The following NTNG1 variants were observed in gnomAD, a reference collection of about 807,000 sequenced individuals.
The protein encoded by NTNG1 is netrin G1.
NTNG1 carries 16 observed loss-of-function variants against 54.0 expected under a neutral mutation model. The observed-to-expected ratio is 0.30, with a 90% CI of 0.20 to 0.45. NTNG1 has a LOEUF of 0.45. NTNG1 is among the 20% of genes least tolerant of loss of function. NTNG1 has a pLI of 1.00. For synonymous variants in NTNG1, 255 were observed against 263.1 expected, an observed-to-expected ratio of 0.97 and a Z score of 0.30; for missense variants, 530 against 678.7, an observed-to-expected ratio of 0.78 and a Z score of 2.43.
chr1:107,442,051 A>G (rs1436482660), intron 7 of NTNG1, among the ~76,000 whole-genome samples: 1 of 152,150 alleles, frequency 6.6e-6, no homozygotes, highest in Non-Finnish European at 1.5e-5. Context: ...AAATTGGAAA[A>G]TTTAAACATT....
At chr1:107,477,112 T>A (rs1571049716) in intron 7 of NTNG1, among the ~76,000 whole-genome samples, 2 of 152,096 alleles carry the variant, frequency 1.3e-5, no homozygotes, top group Non-Finnish European at 2.9e-5. Flanking sequence ...AAGTAAAAGT[T>A]TGGATAAAAG....
intron 2 of NTNG1, among the ~76,000 whole-genome samples, chr1:107,219,588 T>C (rs879687856): frequency 1.3e-5 from 2 of 152,214 alleles, no homozygotes; most frequent in Non-Finnish European, 2.9e-5. Flanking sequence ...GAGATTCTTC[T>C]GTCTCATGGG....
chr1:107,435,875 T>C (rs1233955096), intron 6 of NTNG1, among the ~76,000 whole-genome samples: 1 of 152,102 alleles, frequency 6.6e-6, no homozygotes, highest in Non-Finnish European at 1.5e-5. Context: ...CCATTTCTGG[T>C]TCAAGCTTTA....
intron 2 of NTNG1, among the ~76,000 whole-genome samples, chr1:107,282,492 C>T (rs1055106559): frequency 6.6e-6 from 1 of 152,124 alleles, no homozygotes; most frequent in Non-Finnish European, 1.5e-5. Flanking sequence ...AAAGGTAAGA[C>T]ATTTCTGTAA....
chr1:107,323,325 T>C (rs979387077), intron 2 of NTNG1, among the ~76,000 whole-genome samples: 2 of 152,144 alleles, frequency 1.3e-5, no homozygotes, highest in African/African-American at 4.8e-5. Context: ...TGGAATCTAC[T>C]GATGAAAGCT....
chr1:107,392,726 G>A (rs1228163950), intron 3 of NTNG1, among the ~76,000 whole-genome samples: 1 of 152,142 alleles, frequency 6.6e-6, no homozygotes, highest in Non-Finnish European at 1.5e-5. Flanking sequence ...AGAGGACTTA[G>A]GAGGTAGCTA....
At chr1:107,186,272 C>T (rs1158384277) in intron 2 of NTNG1, among the ~76,000 whole-genome samples, 3 of 152,036 alleles carry the variant, frequency 2.0e-5, no homozygotes, top group East Asian at 1.9e-4. Context: ...TGCAAAACAC[C>T]GTTATCTCTC....
intron 7 of NTNG1, among the ~76,000 whole-genome samples, chr1:107,448,296 T>C (rs1384080005): frequency 1.3e-5 from 2 of 152,128 alleles, no homozygotes; most frequent in Admixed American, 6.6e-5. Context: ...GCTTGTCATG[T>C]ACCAGGCACT....
At position 107,395,182 on chromosome 1, in the gene NTNG1, T is replaced by C. The variant is rs369812871; in HGVS notation, c.916T>C (p.Cys306Arg). Residue 306 changes from cysteine to arginine, a missense_variant, in exon 4 of 8, where the codon TGT (cysteine) becomes CGT (arginine). Physicochemically the swap from Cys to Arg is radical, Grantham distance 180 (BLOSUM62 -3). Around this residue, in one of 2 missense-constraint regions of NTNG1, gnomAD observed 318 missense variants for 465.1 expected, o/e 0.68. Coordinates refer to ENST00000370068, the MANE Select transcript of NTNG1 (RefSeq NM_001113226.3). The stretch of plus-strand genomic sequence containing the variant: ...CAAGTGTAATCTCCATGCCACTGTA[T>C]GTGTGTATGACAACAGCAAATTGAC... ...RCKCNLHATV[C>R]VYDNSKLTCE... 1.9e-6 allele frequency: 3 copies of C among 1,613,334 alleles called. No homozygotes were observed. Among genetic ancestry groups the C allele is most frequent in the Non-Finnish European group, 2.5e-6 (3 of 1,179,522 alleles).
chr1:107,192,241 G>T (rs1436098959), intron 2 of NTNG1, among the ~76,000 whole-genome samples: 2 of 148,486 alleles, frequency 1.3e-5, no homozygotes, highest in Non-Finnish European at 2.9e-5. Flanking sequence ...GTCTGTTATT[G>T]GTGTATTTTT....
At chr1:107,330,804 T>A (rs995293190) in intron 3 of NTNG1, 1 of 152,052 alleles carries the variant, frequency 6.6e-6, no homozygotes. Flanking sequence ...CATTGAGGAT[T>A]TTTTTGTTCA....
At chr1:107,153,517 C>T (rs4475782) in intron 2 of NTNG1, among the ~76,000 whole-genome samples, 2,656 of 152,050 alleles carry the variant, frequency 0.017, 70 homozygotes, top group African/African-American at 0.06. Flanking sequence ...TTTTAAAAAC[C>T]TTCAGTTCTT....
chr1:107,279,293 C>G (rs1359887265), intron 2 of NTNG1, among the ~76,000 whole-genome samples: 1 of 152,022 alleles, frequency 6.6e-6, no homozygotes, highest in Non-Finnish European at 1.5e-5. Flanking sequence ...TTGTTATTGA[C>G]AATGGAATGT....
intron 2 of NTNG1, among the ~76,000 whole-genome samples, chr1:107,263,528 A>G (rs991720455): frequency 6.6e-6 from 1 of 152,166 alleles, no homozygotes; most frequent in African/African-American, 2.4e-5. Flanking sequence ...AGATATTAGC[A>G]CTTTGGGGAG....
At chr1:107,461,864 G>A (rs568559966) in intron 7 of NTNG1, among the ~76,000 whole-genome samples, 119 of 152,202 alleles carry the variant, frequency 7.8e-4, no homozygotes, top group African/African-American at 2.6e-3. Flanking sequence ...AGTTCCCTGG[G>A]CCTTGAGCAG....
intron 3 of NTNG1, among the ~76,000 whole-genome samples, chr1:107,338,671 A>G (rs1345673046): frequency 1.3e-5 from 2 of 151,948 alleles, no homozygotes; most frequent in Non-Finnish European, 2.9e-5. Context: ...TTCTTCTGGT[A>G]GTAGCCAAGC....
intron 3 of NTNG1, among the ~76,000 whole-genome samples, chr1:107,391,716 G>A (rs1672376346): frequency 1.3e-5 from 2 of 151,136 alleles, no homozygotes; most frequent in Admixed American, 6.6e-5. Context: ...GGGGAGGGAG[G>A]TACCACACTT....
rs1331484944 is a variant in NTNG1 at position 107,395,071 on chromosome 1, T to G, written c.888-83T>G. On this transcript the variant is annotated intron_variant, in intron 3 of 7. Coordinates refer to ENST00000370068, the MANE Select transcript of NTNG1 (RefSeq NM_001113226.3). ...GTGTATCACTAAAGCACTGCATGGT[T>G]TGAGGAGACAAATCAGGGAAGCCTC... 3 of 1,067,144 alleles carry G rather than the reference T, an allele frequency of 2.8e-6. No homozygotes were observed. The African/African-American group carries it at 4.7e-5, about 17-fold the overall frequency. 66.1% of individuals were successfully genotyped at this position (1,067,144 alleles called of 1,614,324 possible). A position where few individuals can be genotyped will look rare whatever the true frequency, so the allele number is the denominator to read the frequency against.
At chr1:107,400,651 G>GT (rs370579128) in intron 4 of NTNG1, among the ~76,000 whole-genome samples, 50,096 of 147,272 alleles carry the variant, frequency 0.34, 8,685 homozygotes, top group Non-Finnish European at 0.39. Flanking sequence ...TGTGGAATAA[G>GT]TTTTTTTTTT....
Sources: gnomAD v4.1 joint callset for allele counts (sites outside exome capture counted in the v4.1 genomes callset) on GRCh38, gnomAD v4.1.1 for gene constraint, gnomAD v4.1.1 regional missense constraint, MANE v1.5 for transcripts, NCBI Gene and HGNC (gene_info 2026-07-23, HGNC 2026-07-21) for gene names.